The following CDH9 variants were observed in gnomAD, a reference collection of about 807,000 sequenced individuals.
CDH9 encodes cadherin-9.
A neutral mutation model predicts 70.9 loss-of-function variants in CDH9; 28 were observed. The ratio of observed to expected loss-of-function variants is 0.40; its 90% CI spans 0.29 to 0.54. The LOEUF (loss-of-function observed/expected upper bound fraction) is 0.54, where lower values mean the gene tolerates loss of function less well. Among genes scored for constraint, CDH9 ranks in the 20% least tolerant of loss-of-function variants. CDH9 has a pLI of 0.59. For missense variants in CDH9, 874 were observed against 984.4 expected (o/e 0.89, Z 1.50); for synonymous variants, 409 against 343.1 (o/e 1.19, Z -2.12).
intron 3 of CDH9, among the ~76,000 whole-genome samples, chr5:26,915,411 T>C (rs1022043536): frequency 5.9e-5 from 9 of 151,968 alleles, no homozygotes; most frequent in African/African-American, 2.2e-4. Context: ...TAAAATGAAT[T>C]AACTGCTATT....
chr5:26,884,402 G>A (rs929113077), intron 11 of CDH9, among the ~76,000 whole-genome samples: 10 of 152,070 alleles, frequency 6.6e-5, no homozygotes, highest in African/African-American at 2.4e-4. Flanking sequence ...GGAACTTCCT[G>A]AGCGAATAAA....
At chr5:27,029,996 C>T (rs1743283962) in intron 1 of CDH9, among the ~76,000 whole-genome samples, 1 of 152,004 alleles carries the variant, frequency 6.6e-6, no homozygotes, top group Non-Finnish European at 1.5e-5. Context: ...TGTCTCTCCA[C>T]TCCACCTACC....
intron 1 of CDH9, among the ~76,000 whole-genome samples, chr5:27,026,003 T>A (rs1743214561): frequency 6.6e-6 from 1 of 151,534 alleles, no homozygotes; most frequent in South Asian, 2.1e-4. Flanking sequence ...GAGAACTAAG[T>A]TTTTTGGACA....
chr5:26,958,772 C>T (rs1244967595), intron 2 of CDH9, among the ~76,000 whole-genome samples: 1 of 152,022 alleles, frequency 6.6e-6, no homozygotes, highest in Non-Finnish European at 1.5e-5. Flanking sequence ...TCTAGAAATG[C>T]TTTATCTAAT....
intron 1 of CDH9, among the ~76,000 whole-genome samples, chr5:27,016,847 G>A (rs1743054810): frequency 1.3e-5 from 2 of 151,848 alleles, no homozygotes; most frequent in Non-Finnish European, 2.9e-5. Flanking sequence ...AATAAAGGGA[G>A]CATTTTTATT....
In CDH9 at chr5:26,902,535, C is replaced by T. The variant is rs974267404; in HGVS notation, c.1194G>A (p.Glu398=). The change falls in exon 7 of 12, where the codon GAG becomes GAA. Residue 398 remains glutamate, a synonymous_variant. Coordinates refer to ENST00000231021, the MANE Select transcript of CDH9 (RefSeq NM_016279.4). ...YLIEVDEDVK[E]GSIIGQVTAY... The stretch of plus-strand genomic sequence containing the variant: ...CTGTAACCTGTCCAATGATACTGCC[C>T]TCCTTTACATCTTCATCTACTTCTA... 6.3e-7 allele frequency: 1 copy of T among 1,599,478 alleles called. No individual in the cohort carries two copies. Among genetic ancestry groups the T allele is most frequent in the Non-Finnish European group, 8.6e-7 (1 of 1,167,146 alleles).
chr5:27,013,159 A>G (rs1188921993), intron 1 of CDH9, among the ~76,000 whole-genome samples: 1 of 151,960 alleles, frequency 6.6e-6, no homozygotes, highest in Non-Finnish European at 1.5e-5. Context: ...GTAAATGGTC[A>G]TATCCTAGGA....
chr5:27,020,975 A>G (rs980598768), intron 1 of CDH9, among the ~76,000 whole-genome samples: 1 of 151,824 alleles, frequency 6.6e-6, no homozygotes, highest in African/African-American at 2.4e-5. Context: ...GAAGTGTTCA[A>G]TGGCTGATAA....
At chr5:26,904,600 T>C (rs1740913843) in intron 5 of CDH9, among the ~76,000 whole-genome samples, 1 of 152,092 alleles carries the variant, frequency 6.6e-6, no homozygotes, top group Non-Finnish European at 1.5e-5. Flanking sequence ...GAAATTATCC[T>C]GCAGACTTGG....
At chr5:26,958,506 C>T (rs1166448784) in intron 2 of CDH9, among the ~76,000 whole-genome samples, 3 of 152,032 alleles carry the variant, frequency 2.0e-5, no homozygotes, top group Admixed American at 6.6e-5. Flanking sequence ...TGAAGTTCAG[C>T]GGTAAGTCAG....
intron 1 of CDH9, among the ~76,000 whole-genome samples, chr5:26,999,342 C>A (rs941615821): frequency 1.3e-5 from 2 of 152,244 alleles, no homozygotes; most frequent in Middle Eastern, 6.8e-3. Flanking sequence ...AATGACTTCT[C>A]TTCATATAAG....
At chr5:26,979,513 G>A (rs533087875) in intron 2 of CDH9, among the ~76,000 whole-genome samples, 1 of 151,688 alleles carries the variant, frequency 6.6e-6, no homozygotes, top group South Asian at 2.1e-4. Context: ...CAAGAAAACG[G>A]CAGACTTAAA....
At chr5:27,019,881 G>A (rs1269811461) in intron 1 of CDH9, among the ~76,000 whole-genome samples, 1 of 151,688 alleles carries the variant, frequency 6.6e-6, no homozygotes, top group Non-Finnish European at 1.5e-5. Flanking sequence ...CTACCACATA[G>A]GGAATTTGAA....
At chr5:27,035,705 TGTGTGGG>T (rs1561048668) in intron 1 of CDH9, among the ~76,000 whole-genome samples, 2 of 149,364 alleles carry the variant, frequency 1.3e-5, no homozygotes, top group Admixed American at 6.7e-5. Context: ...TGTGTGTGTG[TGTGTGGG>T]TGTGTGTGGG....
At chr5:26,887,463 AT>A (rs1183995366) in intron 9 of CDH9, among the ~76,000 whole-genome samples, 1 of 150,082 alleles carries the variant, frequency 6.7e-6, no homozygotes, top group East Asian at 1.9e-4. Context: ...TATATATTAA[AT>A]AATTATAATT....
At chr5:27,027,532 T>A (rs1265258094) in intron 1 of CDH9, among the ~76,000 whole-genome samples, 1 of 152,042 alleles carries the variant, frequency 6.6e-6, no homozygotes, top group Non-Finnish European at 1.5e-5. Context: ...AATATCTTAG[T>A]TTTGCACAGG....
intron 2 of CDH9, among the ~76,000 whole-genome samples, chr5:26,927,575 C>T (rs1741364817): frequency 6.6e-6 from 1 of 151,926 alleles, no homozygotes; most frequent in Admixed American, 6.6e-5. Context: ...ACCCCAAGGC[C>T]CACATCCCAC....
intron 11 of CDH9, among the ~76,000 whole-genome samples, chr5:26,885,371 A>G (rs1740545704): frequency 6.6e-6 from 1 of 152,190 alleles, no homozygotes; most frequent in South Asian, 2.1e-4. Context: ...GCTATAAAGT[A>G]TATATTTTTA....
At chr5:26,950,112 A>C (rs1190823086) in intron 2 of CDH9, among the ~76,000 whole-genome samples, 1 of 152,172 alleles carries the variant, frequency 6.6e-6, no homozygotes, top group Admixed American at 6.5e-5. Context: ...CTTCCCCATC[A>C]TGCAACTGGG....
Sources: allele counts gnomAD v4.1 joint callset (sites outside exome capture counted in the v4.1 genomes callset), GRCh38; gene constraint gnomAD v4.1.1; transcripts MANE v1.5; gene names NCBI Gene and HGNC (gene_info 2026-07-23, HGNC 2026-07-21).